Variants in GCFC2 observed in about 807,000 individuals in gnomAD.
GCFC2 encodes the protein intron Large complex component GCFC2.
A neutral mutation model predicts 99.4 loss-of-function variants in GCFC2; 102 were observed. The ratio of observed to expected loss-of-function variants is 1.03; its 90% CI spans 0.87 to 1.21. The LOEUF (loss-of-function observed/expected upper bound fraction) is 1.21. Ranked by LOEUF, GCFC2 falls within the 50% of genes most tolerant of loss-of-function variation. GCFC2 has a pLI of 0.00. For synonymous variants in GCFC2, 338 were observed against 316.8 expected, an observed-to-expected ratio of 1.07 and a Z score of -0.71; for missense variants, 973 against 920.9, an observed-to-expected ratio of 1.06 and a Z score of -0.73.
At chr2:75,711,193 A>G, upstream of GCFC2, 1 of 985,240 alleles carries the variant, frequency 1.0e-6, no homozygotes, top group Non-Finnish European at 1.2e-6. Flanking sequence ...CCCATCCAGA[A>G]ATCAAGCGTT....
chr2:75,680,346 A>G (rs758342107), intron 11 of GCFC2, 32 bp from the exon 12 acceptor site: 65 of 1,567,640 alleles, frequency 4.1e-5, no homozygotes, highest in Non-Finnish European at 4.6e-5. Context: ...TACACAATGT[A>G]TTTACTAGAT....
intron 9 of GCFC2, 72 bp downstream of exon 9, chr2:75,689,897 G>C: frequency 1.3e-6 from 1 of 784,310 alleles, no homozygotes; most frequent in African/African-American, 1.7e-5. Flanking sequence ...ACTTATTAAG[G>C]GCAATCCCAG....
intron 11 of GCFC2, 93 bp from the exon 12 acceptor site, chr2:75,680,407 C>T (rs1280346517): frequency 9.4e-6 from 9 of 958,132 alleles, no homozygotes; most frequent in Non-Finnish European, 1.4e-5. Flanking sequence ...AACACTACTT[C>T]CCTCCTTATT....
chr2:75,701,332 T>C (rs774506610), intron 3 of GCFC2, 45 bp from the exon 4 acceptor site: 3 of 1,147,140 alleles, frequency 2.6e-6, no homozygotes, highest in African/African-American at 3.0e-5. Context: ...TATTTTTCCA[T>C]TTTAATTGCA....
intron 3 of GCFC2, 79 bp from the exon 4 acceptor site, chr2:75,701,366 A>G (rs1680583398): frequency 1.3e-6 from 1 of 791,630 alleles, no homozygotes; most frequent in East Asian, 2.5e-5. Flanking sequence ...TTTTGAGATT[A>G]TACAAAGGCT....
At position 75,679,913 on chromosome 2, in the gene GCFC2, A is replaced by G. The variant is rs558264599; in HGVS notation, c.1812+280T>C. The stretch of plus-strand genomic sequence containing the variant: ...CTTACATGTATGTCTATAATTTAAA[A>G]TGATTACCACTCCTATCACAGTGTT... On this transcript the variant is annotated intron_variant, in intron 12 of 16. Transcript: ENST00000321027. The G allele has an allele frequency of 3.4e-4, 141 of 416,710 alleles. 1 individual carries two copies. The highest frequency in any genetic ancestry group is 4.6e-5 in the Non-Finnish European group (11 of 237,320). 25.8% of individuals were successfully genotyped at this position (416,710 alleles called of 1,614,324 possible).
Position 75,678,456 on chromosome 2 carries a change from CCT to C in GCFC2, c.1812+1735_1812+1736del, listed in dbSNP as rs143516806. ...TCCTATTGGAGGTAAGCAGAAAATG[CCT>C]CTCTCTCTGTTGCCACATGTTGAAA... On this transcript the variant is annotated intron_variant, in intron 12 of 16. Coordinates refer to ENST00000321027, the MANE Select transcript of GCFC2 (RefSeq NM_003203.5). Among the ~76,000 whole-genome samples the C allele has an allele frequency of 2.6e-5, 4 of 152,226 alleles. No homozygotes were observed. In the East Asian group the frequency reaches 7.7e-4, roughly 29 times the overall value.
Position 75,689,031 on chromosome 2 carries a change from G to A in GCFC2, c.1534C>T (p.Leu512Phe), listed in dbSNP as rs767615422. The part of the protein sequence containing the change: ...IRVQLIDWNP[L>F]KLESTGLKEM... ...CATATGTTAAGCATAAATACCTTAAGAGGATTCCAATCAATCAACTGAACT... is the reference window on the plus strand; with the variant it reads ...CATATGTTAAGCATAAATACCTTAAAAGGATTCCAATCAATCAACTGAACT... Residue 512 changes from leucine (L) to phenylalanine (F), a missense_variant, in exon 10 of 17, where the codon CTT becomes TTT. Leu to Phe is a conservative substitution (Grantham distance 22). Transcript: ENST00000321027. 10 of 1,514,938 alleles carry A rather than the reference G, an allele frequency of 6.6e-6. No homozygotes were observed. Among genetic ancestry groups the A allele is most frequent in the African/African-American group, 1.4e-5 (1 of 72,126 alleles). The allele number at this position is 1,514,938 out of a possible 1,614,324, so 93.8% of individuals were successfully genotyped here.
At position 75,664,464 on chromosome 2, in the gene GCFC2, C is replaced by T. The variant is rs1678737462; in HGVS notation, c.*202G>A. 2.8e-6 allele frequency: 1 copy of T among 353,328 alleles called. No homozygotes were observed. Among genetic ancestry groups the T allele is most frequent in the African/African-American group, 2.1e-5 (1 of 47,106 alleles). The allele number at this position is 353,328 out of a possible 1,614,324, so 21.9% of individuals were successfully genotyped here. Reference sequence around the variant, plus strand: ...TCTTAAAGCTCCAGTGCATTTAATTCCTTAGAACACCACAGAATCATGGCA... The same window carrying T: ...TCTTAAAGCTCCAGTGCATTTAATTTCTTAGAACACCACAGAATCATGGCA... On this transcript the variant is annotated 3_prime_UTR_variant, in exon 17 of 17. Transcript: ENST00000321027.
At chr2:75,678,459 C>G (rs1328540704) in intron 12 of GCFC2, among the ~76,000 whole-genome samples, 1 of 152,136 alleles carries the variant, frequency 6.6e-6, no homozygotes, top group Non-Finnish European at 1.5e-5. Flanking sequence ...GAAAATGCCT[C>G]TCTCTCTGTT....
intron 4 of GCFC2, among the ~76,000 whole-genome samples, chr2:75,699,585 TTTA>T (rs1463067179): frequency 2.0e-5 from 3 of 152,152 alleles, no homozygotes; most frequent in Non-Finnish European, 4.4e-5. Context: ...CATTCATTTA[TTTA>T]TTTTTAGTGA....
intron 11 of GCFC2, among the ~76,000 whole-genome samples, chr2:75,687,491 C>T (rs115038871): frequency 7.0e-4 from 106 of 152,106 alleles, no homozygotes; most frequent in African/African-American, 2.5e-3. Flanking sequence ...CAGCAAAGAC[C>T]AGAGAGGTGG....
At chr2:75,706,086 T>A (rs1381462322) in intron 2 of GCFC2, among the ~76,000 whole-genome samples, 1 of 152,246 alleles carries the variant, frequency 6.6e-6, no homozygotes, top group Non-Finnish European at 1.5e-5. Context: ...ATAATCTGAC[T>A]CCAACTTGTC....
In GCFC2 at chr2:75,698,619, T is replaced by G. The variant is rs560336724; in HGVS notation, c.718-2304A>C. ...TGTGTGCAAAGGCATCCTAGCAAAT[T>G]TAAAGGGGTGTAGTGAGACATTTTA... On this transcript the variant is annotated intron_variant, in intron 4 of 16. Coordinates refer to ENST00000321027, the MANE Select transcript of GCFC2 (RefSeq NM_003203.5). 3.0e-4 allele frequency among the ~76,000 whole-genome samples: 45 copies of G among 152,250 alleles called. No individual in the cohort carries two copies. In the South Asian group the frequency reaches 8.9e-3, roughly 30 times the overall value.
At chr2:75,707,613 A>G (rs1210397802) in intron 1 of GCFC2, among the ~76,000 whole-genome samples, 1 of 152,204 alleles carries the variant, frequency 6.6e-6, no homozygotes, top group Admixed American at 6.5e-5. Flanking sequence ...GTCATTTATG[A>G]CAACCCATAC....
chr2:75,675,526 T>C (rs1679293781), intron 12 of GCFC2, among the ~76,000 whole-genome samples: 1 of 152,082 alleles, frequency 6.6e-6, no homozygotes, highest in Non-Finnish European at 1.5e-5. Context: ...GTGGGTCACT[T>C]GAGGCCAGGA....
At chr2:75,679,104 C>T (rs889149409) in intron 12 of GCFC2, among the ~76,000 whole-genome samples, 2 of 152,172 alleles carry the variant, frequency 1.3e-5, no homozygotes, top group African/African-American at 2.4e-5. Flanking sequence ...ATCTTCCCTA[C>T]TTCTCCTTTT....
At chr2:75,706,071 C>T (rs1680849997) in intron 2 of GCFC2, among the ~76,000 whole-genome samples, 1 of 152,166 alleles carries the variant, frequency 6.6e-6, no homozygotes, top group South Asian at 2.1e-4. Flanking sequence ...TTCCCTAAGC[C>T]CTGTATAATC....
chr2:75,707,748 CAT>C (rs987220823), intron 1 of GCFC2, among the ~76,000 whole-genome samples: 1 of 150,048 alleles, frequency 6.7e-6, no homozygotes, highest in African/African-American at 2.4e-5. Context: ...ACAATAATAA[CAT>C]GTTATTTGTT....
Sources: allele counts gnomAD v4.1 joint callset (sites outside exome capture counted in the v4.1 genomes callset), GRCh38; gene constraint gnomAD v4.1.1; transcripts MANE v1.5; gene names NCBI Gene and HGNC (gene_info 2026-07-23, HGNC 2026-07-21).